PAPPA: variants seen among roughly 807,000 people sequenced by gnomAD.
PAPPA encodes the protein pappalysin-1.
PAPPA carries 60 observed loss-of-function variants against 164.0 expected under a neutral mutation model. The ratio of observed to expected loss-of-function variants is 0.37; its 90% CI spans 0.30 to 0.45. PAPPA has a LOEUF of 0.45. Ranked by LOEUF, PAPPA falls within the 20% of genes least tolerant of loss-of-function variation. The pLI is 1.00. For synonymous variants in PAPPA, 875 were observed against 814.1 expected (o/e 1.07, Z -1.27); for missense variants, 1,782 against 2,087.3 (o/e 0.85, Z 2.85).
chr9:116,294,601 T>C (rs977525938), intron 9 of PAPPA, among the ~76,000 whole-genome samples: 5 of 152,198 alleles, frequency 3.3e-5, no homozygotes, highest in African/African-American at 1.2e-4. Flanking sequence ...AGCTTCCCCT[T>C]TGTAAACCTT....
intron 2 of PAPPA, among the ~76,000 whole-genome samples, chr9:116,195,511 C>G (rs1193559145): frequency 6.6e-6 from 1 of 152,158 alleles, no homozygotes; most frequent in Admixed American, 6.5e-5. Context: ...AGTTCTGTAA[C>G]CTTGCACAGG....
chr9:116,293,194 T>C (rs1455312637), intron 9 of PAPPA, among the ~76,000 whole-genome samples: 1 of 152,188 alleles, frequency 6.6e-6, no homozygotes, highest in Non-Finnish European at 1.5e-5. Flanking sequence ...CTGTGAATCA[T>C]AGAAAGAGAG....
At chr9:116,265,824 A>G in intron 7 of PAPPA, 33 bp from the exon 8 acceptor site, 1 of 1,558,502 alleles carries the variant, frequency 6.4e-7, no homozygotes, top group South Asian at 1.1e-5. Context: ...CAGTATTGTA[A>G]TTGTATAATT....
chr9:116,234,201 A>ATGTGATCT (rs1238539580), intron 6 of PAPPA, among the ~76,000 whole-genome samples: 1 of 152,132 alleles, frequency 6.6e-6, no homozygotes, highest in African/African-American at 2.4e-5. Context: ...GGGAGTCTAG[A>ATGTGATCT]TGTGATCTCA....
rs998391027 is a variant in PAPPA at position 116,338,711 on chromosome 9, G to A, written c.3611+3637G>A. 1.8e-4 allele frequency among the ~76,000 whole-genome samples: 28 copies of A among 152,196 alleles called. 1 individual carries two copies. ...ATATAACTACAAATGGAACTGCTGTGCCTAAGCATGTGTGTGTCTTTGACT... is the reference window on the plus strand; with the variant it reads ...ATATAACTACAAATGGAACTGCTGTACCTAAGCATGTGTGTGTCTTTGACT... On this transcript the variant is annotated intron_variant, in intron 13 of 21. Coordinates refer to ENST00000328252, the MANE Select transcript of PAPPA (RefSeq NM_002581.5).
chr9:116,337,856 C>A (rs1041748155), intron 13 of PAPPA, among the ~76,000 whole-genome samples: 1 of 152,142 alleles, frequency 6.6e-6, no homozygotes, highest in African/African-American at 2.4e-5. Context: ...GGTCTCCAGT[C>A]TCTTTGCAGT....
chr9:116,360,138 C>A (rs560866299), intron 17 of PAPPA, among the ~76,000 whole-genome samples: 11 of 152,336 alleles, frequency 7.2e-5, no homozygotes, highest in Admixed American at 6.5e-4. Context: ...CTGAGGTCTG[C>A]AGCCCTTTAG....
rs1846983126 is a variant in PAPPA, at chr9:116,397,644, TA to T, written c.*1030del. ...ACATGGTGAGAAGTTAAGTTTCCTGTAAGTGGGCCTCTCACCCTGGAAAGGA... is the reference window on the plus strand; with the variant it reads ...ACATGGTGAGAAGTTAAGTTTCCTGTAGTGGGCCTCTCACCCTGGAAAGGA... On this transcript the variant is annotated 3_prime_UTR_variant, in exon 22 of 22. Transcript: ENST00000328252. 1 of 152,588 alleles carries T rather than the reference TA, an allele frequency of 6.6e-6. No homozygotes were observed. Among genetic ancestry groups the T allele is most frequent in the Admixed American group, 6.6e-5 (1 of 15,264 alleles). 9.5% of individuals were successfully genotyped at this position (152,588 alleles called of 1,614,324 possible). A position where few individuals can be genotyped will look rare whatever the true frequency, so the allele number is the denominator to read the frequency against.
At chr9:116,349,178 T>C (rs2118985797) in intron 15 of PAPPA, among the ~76,000 whole-genome samples, 1 of 144,402 alleles carries the variant, frequency 6.9e-6, no homozygotes, top group Non-Finnish European at 1.5e-5. Context: ...ATGCAGCCAG[T>C]TGATTGAGTG....
At chr9:116,282,165 A>G (rs976877633) in intron 9 of PAPPA, among the ~76,000 whole-genome samples, 2 of 152,220 alleles carry the variant, frequency 1.3e-5, no homozygotes, top group Admixed American at 1.3e-4. Flanking sequence ...TCCCTGATAT[A>G]AAATGGAGTA....
chr9:116,272,641 A>C (rs574195874), intron 9 of PAPPA, among the ~76,000 whole-genome samples: 62 of 152,336 alleles, frequency 4.1e-4, no homozygotes, highest in Non-Finnish European at 7.5e-4. Context: ...GTTGGAAGAT[A>C]GGTAGATGCC....
rs559785341 is a variant in PAPPA at position 116,245,407 on chromosome 9, G to A, written c.2732+9770G>A. Among the ~76,000 whole-genome samples the A allele has an allele frequency of 3.9e-5, 6 of 152,312 alleles. No individual in the cohort carries two copies. In the South Asian group the frequency reaches 1.2e-3, roughly 32 times the overall value. ...GAGGGACTAAACCAATCAGGTCTGA[G>A]ATTTTACAATACTGCCCTGGTATTC... On this transcript the variant is annotated intron_variant, in intron 7 of 21. Transcript: ENST00000328252.
intron 10 of PAPPA, among the ~76,000 whole-genome samples, chr9:116,325,364 T>C (rs1488833708): frequency 6.6e-6 from 1 of 152,110 alleles, no homozygotes; most frequent in African/African-American, 2.4e-5. Context: ...GTCCTTAAGC[T>C]CCTGGGGCCC....
chr9:116,344,682 C>T lies in PAPPA; in HGVS notation c.3751C>T (p.Arg1251Trp), dbSNP rs202058403. 40 of 1,613,920 alleles carry T rather than the reference C, an allele frequency of 2.5e-5. No individual in the cohort carries two copies. Among genetic ancestry groups the T allele is most frequent in the Non-Finnish European group, 3.0e-5 (35 of 1,179,938 alleles). ...SCRTGYVLQIRRDDELIKSQT... is the reference protein window; with the variant it reads ...SCRTGYVLQIWRDDELIKSQT... ...CCGGACAGGCTACGTGCTCCAGATA[C>T]GGCGGGATGATGAGCTGATCAAGAG... is the stretch of plus-strand genomic sequence containing the variant. The change falls in exon 14 of 22, where the codon CGG becomes TGG. Residue 1251 changes from arginine to tryptophan, a missense_variant. Arg to Trp is a moderately radical substitution (Grantham distance 101). This residue lies in a region of PAPPA where 1,324 missense variants were observed against 1,656.9 expected (regional missense o/e 0.80). Coordinates refer to ENST00000328252, the MANE Select transcript of PAPPA (RefSeq NM_002581.5).
chr9:116,289,151 T>TAGC (rs1265446316), intron 9 of PAPPA, among the ~76,000 whole-genome samples: 12 of 31,444 alleles, frequency 3.8e-4, no homozygotes, highest in South Asian at 1.4e-3. Flanking sequence ...TATATATATA[T>TAGC]ATATATATAG....
At chr9:116,171,567 A>G (rs1843776348) in intron 1 of PAPPA, among the ~76,000 whole-genome samples, 1 of 151,346 alleles carries the variant, frequency 6.6e-6, no homozygotes, top group African/African-American at 2.4e-5. Flanking sequence ...AAGTGTTCCA[A>G]AAGAACAGTA....
chr9:116,202,124 C>T (rs189652442), intron 2 of PAPPA, among the ~76,000 whole-genome samples: 31 of 152,296 alleles, frequency 2.0e-4, no homozygotes, highest in Admixed American at 5.9e-4. Context: ...ACCATTGAAA[C>T]GGGAAGGCCA....
intron 5 of PAPPA, among the ~76,000 whole-genome samples, chr9:116,224,314 T>C (rs1383699697): frequency 6.6e-6 from 1 of 152,220 alleles, no homozygotes; most frequent in Non-Finnish European, 1.5e-5. Flanking sequence ...ATCTGACAAT[T>C]GGCCATGGTA....
chr9:116,340,617 C>T (rs1429736615), intron 13 of PAPPA, among the ~76,000 whole-genome samples: 1 of 152,126 alleles, frequency 6.6e-6, no homozygotes, highest in African/African-American at 2.4e-5. Flanking sequence ...TTCAAGCCTG[C>T]AGGCCAGGTG....
Sources: gnomAD v4.1 joint callset for allele counts (sites outside exome capture counted in the v4.1 genomes callset) on GRCh38, gnomAD v4.1.1 for gene constraint, gnomAD v4.1.1 regional missense constraint, MANE v1.5 for transcripts, NCBI Gene and HGNC (gene_info 2026-07-23, HGNC 2026-07-21) for gene names.